Variants in A4GALT observed in about 807,000 individuals in gnomAD.
A4GALT encodes lactosylceramide 4-alpha-galactosyltransferase.
For synonymous variants in A4GALT, 257 were observed against 220.7 expected (o/e 1.16, Z -1.46); for missense variants, 512 against 486.0 (o/e 1.05, Z -0.50).
chr22:42,712,237 G>A (rs1265101797), intron 1 of A4GALT, among the ~76,000 whole-genome samples: 2 of 152,128 alleles, frequency 1.3e-5, no homozygotes, highest in Admixed American at 1.3e-4. Flanking sequence ...GCTTCTCAGG[G>A]GCAGAGTGAA....
chr22:42,692,893 C>G lies in A4GALT; in HGVS notation c.1059G>C (p.Leu353Phe). 1.2e-6 allele frequency: 2 copies of G among 1,601,324 alleles called. No homozygotes were observed. The highest frequency in any genetic ancestry group is 1.7e-6 in the Non-Finnish European group (2 of 1,179,724). ...GGGAGGTGACCTGGCGGGCCCCTCA[C>G]AAGTACATTTTCATGGCCTCGTGCG... ...PTTHEAMKMYL is the reference protein window; with the variant it reads ...PTTHEAMKMYF The change falls in exon 3 of 3, where the codon TTG becomes TTC. Residue 353 changes from leucine to phenylalanine, a missense_variant. Physicochemically the swap from Leu to Phe is conservative, Grantham distance 22. Transcript: ENST00000642412. The surrounding 1 kb of genome is among the most constrained non-coding windows in gnomAD (Gnocchi z 4.6).
chr22:42,707,648 ACT>A (rs1167549252), intron 1 of A4GALT, among the ~76,000 whole-genome samples: 8 of 151,950 alleles, frequency 5.3e-5, no homozygotes, highest in African/African-American at 1.9e-4. Flanking sequence ...TGAGTGAGAG[ACT>A]CTTTCTCAAA....
chr22:42,702,117 C>T (rs57323342), intron 1 of A4GALT, among the ~76,000 whole-genome samples: 21,399 of 152,058 alleles, frequency 0.14, 3,012 homozygotes, highest in African/African-American at 0.37. Flanking sequence ...CTCTCTTTCT[C>T]TCTCTCTCCT....
At position 42,693,688 on chromosome 22, in the gene A4GALT, G is replaced by A. The variant is rs1601979086; in HGVS notation, c.264C>T (p.Thr88=). The A allele has an allele frequency of 2.5e-6, 4 of 1,612,300 alleles. No homozygotes were observed. The highest frequency in any genetic ancestry group is 2.7e-5 in the African/African-American group (2 of 74,388). The change falls in exon 3 of 3, where the codon ACC becomes ACT. Residue 88 remains threonine, a synonymous_variant. Transcript: ENST00000642412. ...AGCACATGAACAGGAAGTTGGGGTT[G>A]GTCCGGTCTGAAGTCTCCAGGAAGA... ...NIFFLETSDR[T]NPNFLFMCSV... is the part of the protein sequence containing the mutation.
At chr22:42,716,278 T>C (rs1378377672) in intron 1 of A4GALT, among the ~76,000 whole-genome samples, 2 of 152,118 alleles carry the variant, frequency 1.3e-5, no homozygotes, top group African/African-American at 2.4e-5. Context: ...TCTCCACCAC[T>C]GGGGTGAGTG....
At chr22:42,711,728 G>T (rs148025094) in intron 1 of A4GALT, among the ~76,000 whole-genome samples, 5,943 of 152,118 alleles carry the variant, frequency 0.039, 403 homozygotes, top group African/African-American at 0.13. Flanking sequence ...CCACTTCCTG[G>T]GTTGAAGAGA....
At chr22:42,714,808 TG>T (rs925169999) in intron 1 of A4GALT, among the ~76,000 whole-genome samples, 10 of 151,840 alleles carry the variant, frequency 6.6e-5, no homozygotes. Flanking sequence ...GGGGGTAAAA[TG>T]TGCCAAGAGA....
chr22:42,714,710 A>G (rs1602025557), intron 1 of A4GALT, among the ~76,000 whole-genome samples: 3 of 152,308 alleles, frequency 2.0e-5, no homozygotes, highest in Non-Finnish European at 4.4e-5. Context: ...CGGAGGTTGC[A>G]GTGAGCCGAG....
In A4GALT at chr22:42,693,587, G is replaced by A. The variant is rs2146952585; in HGVS notation, c.365C>T (p.Ala122Val). The A allele has an allele frequency of 2.5e-6, 4 of 1,613,672 alleles. No individual in the cohort carries two copies. The highest frequency in any genetic ancestry group is 3.4e-6 in the Non-Finnish European group (4 of 1,180,032). ...VLMKGLPGGN[A>V]SLPRHLGISL... The stretch of plus-strand genomic sequence containing the variant: ...GATGCCCAGGTGCCGGGGCAGAGAG[G>A]CGTTGCCACCCGGAAGCCCTTTCAT... Residue 122 changes from alanine (A) to valine (V), a missense_variant, in exon 3 of 3, where the codon GCC becomes GTC. Ala to Val is a moderately conservative substitution (Grantham distance 64). Coordinates refer to ENST00000642412, the MANE Select transcript of A4GALT (RefSeq NM_017436.7).
At chr22:42,715,827 C>A (rs1463156622) in intron 1 of A4GALT, among the ~76,000 whole-genome samples, 1 of 138,336 alleles carries the variant, frequency 7.2e-6, no homozygotes, top group Non-Finnish European at 1.5e-5. Flanking sequence ...CGGAAAGATA[C>A]AATCTTTTTT....
upstream of A4GALT, chr22:42,721,077 C>G (rs1017678291): frequency 6.6e-6 from 1 of 152,230 alleles, no homozygotes; most frequent in African/African-American, 2.4e-5. Context: ...GGAGCGCTCC[C>G]CGGCCTCCGC....
At chr22:42,709,344 CAA>C (rs71311459) in intron 1 of A4GALT, among the ~76,000 whole-genome samples, 2 of 112,362 alleles carry the variant, frequency 1.8e-5, no homozygotes, top group Non-Finnish European at 3.6e-5. Context: ...TGTGCCAGGC[CAA>C]AAAAAAAAAA....
intron 1 of A4GALT, among the ~76,000 whole-genome samples, chr22:42,703,644 C>T (rs1920944903): frequency 1.3e-5 from 2 of 152,144 alleles, no homozygotes; most frequent in African/African-American, 4.8e-5. Context: ...AGATGACTTG[C>T]AGTGTGACCT....
In A4GALT at chr22:42,692,715, G is replaced by A. The variant is rs1417748573; in HGVS notation, c.*175C>T. ...CAGCCCTGCCTCGAGACAGGACACT[G>A]TCCTCGGGGTGTCCACAGCCTCCCA... On this transcript the variant is annotated 3_prime_UTR_variant, in exon 3 of 3. Transcript: ENST00000642412. This position sits in a 1 kb window ranked among gnomAD's most constrained non-coding sequence, Gnocchi z 4.6. 1 of 779,126 alleles carries A rather than the reference G, an allele frequency of 1.3e-6. No individual in the cohort carries two copies. Among genetic ancestry groups the A allele is most frequent in the South Asian group, 1.5e-5 (1 of 68,344 alleles). 48.3% of individuals were successfully genotyped at this position (779,126 alleles called of 1,614,324 possible).
Position 42,693,750 on chromosome 22 carries a change from T to TGTGGGGGGGGGGGGGGGGGGGGGGG in A4GALT, c.201_202insCCCCCCCCCCCCCCCCCCCCCCCAC (p.Thr68ProfsTer223). Reference sequence around the variant, plus strand: ...GGAGTGGGGCCGTGGGAGGGTGGGGTGGGGGGTGTCAAGGTGGGGCAGGGG... The same window carrying TGTGGGGGGGGGGGGGGGGGGGGGGG: ...GGAGTGGGGCCGTGGGAGGGTGGGGTGTGGGGGGGGGGGGGGGGGGGGGGGGGGGGGTGTCAAGGTGGGGCAGGGG... On this transcript the variant is annotated frameshift_variant, in exon 3 of 3. Coordinates refer to ENST00000642412, the MANE Select transcript of A4GALT (RefSeq NM_017436.7). LOFTEE classifies it low-confidence loss of function (END_TRUNC). The TGTGGGGGGGGGGGGGGGGGGGGGGG allele has an allele frequency of 2.6e-6, 1 of 391,460 alleles. No individual in the cohort carries two copies. Among genetic ancestry groups the TGTGGGGGGGGGGGGGGGGGGGGGGG allele is most frequent in the Non-Finnish European group, 4.3e-6 (1 of 232,116 alleles). The allele number at this position is 391,460 out of a possible 1,614,324, so 24.2% of individuals were successfully genotyped here.
chr22:42,715,441 G>A (rs1922086199), intron 1 of A4GALT, among the ~76,000 whole-genome samples: 1 of 152,134 alleles, frequency 6.6e-6, no homozygotes, highest in Admixed American at 6.5e-5. Flanking sequence ...GTAATTCAGG[G>A]CTGGGCAAGG....
Position 42,693,942 on chromosome 22 carries a change from G to A in A4GALT, c.10C>T (p.Pro4Ser), listed in dbSNP as rs753066386. Residue 4 changes from proline to serine, a missense_variant, in exon 3 of 3, where the codon CCC becomes TCC. By Grantham distance (74) the Pro-to-Ser change is moderately conservative. Transcript: ENST00000642412. ...AGCAGCCGCAGCAGGAGGTCGGGGGGCTTGGACATGGTATCCCCAGATCAG... is the reference window on the plus strand; with the variant it reads ...AGCAGCCGCAGCAGGAGGTCGGGGGACTTGGACATGGTATCCCCAGATCAG... MSK[P>S]PDLLLRLLRG... 8 of 1,584,546 alleles carry A rather than the reference G, an allele frequency of 5.0e-6. No homozygotes were observed. The highest frequency in any genetic ancestry group is 2.7e-5 in the African/African-American group (2 of 74,596).
intron 1 of A4GALT, among the ~76,000 whole-genome samples, chr22:42,696,867 C>T (rs1159154956): frequency 6.6e-6 from 1 of 151,272 alleles, no homozygotes; most frequent in Non-Finnish European, 1.5e-5. Context: ...GGCCTTGGCA[C>T]CTGCTGTTCT....
At chr22:42,712,299 T>C (rs1004504827) in intron 1 of A4GALT, among the ~76,000 whole-genome samples, 1 of 152,086 alleles carries the variant, frequency 6.6e-6, no homozygotes, top group South Asian at 2.1e-4. Flanking sequence ...AAGCACTGAG[T>C]GACCTTGAAT....
Sources: gnomAD v4.1 joint callset for allele counts (sites outside exome capture counted in the v4.1 genomes callset) on GRCh38, gnomAD v4.1.1 for gene constraint, Gnocchi (gnomAD v3.1) non-coding constraint, MANE v1.5 for transcripts, NCBI Gene and HGNC (gene_info 2026-07-23, HGNC 2026-07-21) for gene names.